The following CLEC16A variants were observed in gnomAD, a reference collection of about 807,000 sequenced individuals.
CLEC16A encodes C-type lectin domain containing 16A.
CLEC16A carries 51 observed loss-of-function variants against 109.5 expected under a neutral mutation model. The ratio of observed to expected loss-of-function variants is 0.47; its 90% CI spans 0.37 to 0.59. The LOEUF (loss-of-function observed/expected upper bound fraction) is 0.59. Among genes scored for constraint, CLEC16A ranks in the 20% least tolerant of loss-of-function variants. CLEC16A has a pLI of 0.00. For synonymous variants in CLEC16A, 673 were observed against 564.2 expected (o/e 1.19, Z -2.73); for missense variants, 1,339 against 1,394.0 (o/e 0.96, Z 0.63).
intron 19 of CLEC16A, among the ~76,000 whole-genome samples, chr16:11,094,551 C>T (rs200021481): frequency 1.3e-5 from 2 of 152,208 alleles, no homozygotes; most frequent in African/African-American, 2.4e-5. Flanking sequence ...CACCTCCCCC[C>T]CTACAACTTT....
chr16:10,993,156 C>A (rs2044131710), intron 10 of CLEC16A, among the ~76,000 whole-genome samples: 1 of 152,050 alleles, frequency 6.6e-6, no homozygotes, highest in Non-Finnish European at 1.5e-5. Context: ...CTTTGGGAGG[C>A]CGGTGTGGGC....
Position 10,944,584 on chromosome 16 carries a change from G to C in CLEC16A, c.-134G>C. On this transcript the variant is annotated 5_prime_UTR_variant, in exon 1 of 24. Transcript: ENST00000409790. ...ATGTCAGTGCTGGGCTGTGGGCCGG[G>C]GAGGAAGGCGGCTCGCGGTTCCTCC... 1.2e-6 allele frequency: 1 copy of C among 841,942 alleles called. No homozygotes were observed. Among genetic ancestry groups the C allele is most frequent in the East Asian group, 2.7e-5 (1 of 36,922 alleles). The allele number at this position is 841,942 out of a possible 1,614,324, so 52.2% of individuals were successfully genotyped here.
intron 15 of CLEC16A, among the ~76,000 whole-genome samples, chr16:11,043,113 T>A (rs1444062597): frequency 6.6e-6 from 1 of 152,198 alleles, no homozygotes; most frequent in Admixed American, 6.5e-5. Flanking sequence ...CAAATGAATT[T>A]TTTGTCTTAT....
intron 10 of CLEC16A, among the ~76,000 whole-genome samples, chr16:11,001,772 G>T (rs2044684455): frequency 6.6e-6 from 1 of 152,128 alleles, no homozygotes; most frequent in East Asian, 1.9e-4. Flanking sequence ...CCCGCAAAGT[G>T]CTGGGATTAG....
At chr16:11,053,110 T>C (rs980824380) in intron 18 of CLEC16A, among the ~76,000 whole-genome samples, 2 of 152,058 alleles carry the variant, frequency 1.3e-5, no homozygotes, top group Non-Finnish European at 2.9e-5. Context: ...AAGTTAGCCT[T>C]GAACTCCTGG....
intron 10 of CLEC16A, among the ~76,000 whole-genome samples, chr16:10,988,042 G>T (rs981831695): frequency 6.6e-6 from 1 of 152,228 alleles, no homozygotes; most frequent in Non-Finnish European, 1.5e-5. Context: ...AAATCATATG[G>T]TTCCTGCTAA....
intron 22 of CLEC16A, among the ~76,000 whole-genome samples, chr16:11,142,327 A>G (rs1334024191): frequency 6.6e-6 from 1 of 152,190 alleles, no homozygotes; most frequent in African/African-American, 2.4e-5. Context: ...AGCTGGGGGC[A>G]CTGTGATCAT....
intron 22 of CLEC16A, among the ~76,000 whole-genome samples, chr16:11,158,560 C>G (rs535025597): frequency 6.6e-6 from 1 of 152,218 alleles, no homozygotes; most frequent in South Asian, 2.1e-4. Flanking sequence ...ACCTCAGACT[C>G]AAAAGCCCCC....
At chr16:11,028,483 G>C (rs1194099116) in intron 13 of CLEC16A, among the ~76,000 whole-genome samples, 1 of 147,122 alleles carries the variant, frequency 6.8e-6, no homozygotes, top group Non-Finnish European at 1.5e-5. Flanking sequence ...TTTTGAAAAA[G>C]ACTTGAAATA....
At chr16:10,988,785 GAGA>G (rs2043821443) in intron 10 of CLEC16A, among the ~76,000 whole-genome samples, 2 of 152,146 alleles carry the variant, frequency 1.3e-5, no homozygotes, top group African/African-American at 4.8e-5. Context: ...CCTCTCCAGT[GAGA>G]ATAGCAAACA....
At chr16:11,080,494 C>G (rs1445288592) in intron 19 of CLEC16A, among the ~76,000 whole-genome samples, 2 of 152,196 alleles carry the variant, frequency 1.3e-5, no homozygotes, top group African/African-American at 2.4e-5. Context: ...GTTTGGCTAC[C>G]AGGTCAGTAG....
At chr16:10,982,115 T>C (rs1399013252) in intron 9 of CLEC16A, among the ~76,000 whole-genome samples, 1 of 152,228 alleles carries the variant, frequency 6.6e-6, no homozygotes, top group Non-Finnish European at 1.5e-5. Flanking sequence ...CTACACCCTC[T>C]TGCCTTTACA....
chr16:10,955,613 T>A (rs141118516), intron 1 of CLEC16A, among the ~76,000 whole-genome samples: 1 of 152,266 alleles, frequency 6.6e-6, no homozygotes, highest in East Asian at 1.9e-4. Context: ...ATTGAAGTCA[T>A]GTGGTCCTAA....
At chr16:10,983,067 T>C (rs2043418457) in intron 10 of CLEC16A, 76 bp downstream of exon 10, 1 of 823,524 alleles carries the variant, frequency 1.2e-6, no homozygotes, top group African/African-American at 1.7e-5. Flanking sequence ...TTCTCTAAAA[T>C]CAGAAACTAA....
chr16:11,148,274 C>T (rs1170691540), intron 22 of CLEC16A, among the ~76,000 whole-genome samples: 2 of 152,178 alleles, frequency 1.3e-5, no homozygotes, highest in Non-Finnish European at 2.9e-5. Flanking sequence ...CCACGTCCAA[C>T]TCATGCCAAT....
rs142360441 is a variant in CLEC16A at position 11,015,333 on chromosome 16, G to A, written c.1304-4860G>A. Among the ~76,000 whole-genome samples the A allele has an allele frequency of 2.0e-4, 30 of 152,158 alleles. No homozygotes were observed. In the East Asian group the frequency reaches 5.4e-3, roughly 28 times the overall value. On this transcript the variant is annotated intron_variant, in intron 11 of 23. Transcript: ENST00000409790. ...TGCGTCAAGATGTGACACGGGGGTT[G>A]GGGGTGAGGAAGGGGGAGCGGTCCT...
rs964895184 is a variant in CLEC16A at position 11,025,030 on chromosome 16, C to T, written c.1537+109C>T. 5 of 821,566 alleles carry T rather than the reference C, an allele frequency of 6.1e-6. No individual in the cohort carries two copies. In the Admixed American group the frequency reaches 1.1e-4, roughly 18 times the overall value. 50.9% of individuals were successfully genotyped at this position (821,566 alleles called of 1,614,324 possible). The stretch of plus-strand genomic sequence containing the variant: ...GAAAGGTGCTTTCTGTACAGAATTT[C>T]CTTTCTGGTTTTGGTGGTCCTTTTT... On this transcript the variant is annotated intron_variant, in intron 13 of 23. Coordinates refer to ENST00000409790, the MANE Select transcript of CLEC16A (RefSeq NM_015226.3).
At chr16:11,112,945 T>G (rs1458526106) in intron 19 of CLEC16A, among the ~76,000 whole-genome samples, 1 of 152,108 alleles carries the variant, frequency 6.6e-6, no homozygotes, top group African/African-American at 2.4e-5. Context: ...GGCCCTGAAC[T>G]CCTCTTGGTG....
chr16:11,151,977 G>C (rs1204280672), intron 22 of CLEC16A, among the ~76,000 whole-genome samples: 1 of 152,180 alleles, frequency 6.6e-6, no homozygotes, highest in Non-Finnish European at 1.5e-5. Context: ...GGCAGCAAAG[G>C]AATCTCTCAG....
Sources: gnomAD v4.1 joint callset for allele counts (sites outside exome capture counted in the v4.1 genomes callset) on GRCh38, gnomAD v4.1.1 for gene constraint, MANE v1.5 for transcripts, NCBI Gene and HGNC (gene_info 2026-07-23, HGNC 2026-07-21) for gene names.